The following OSBPL3 variants were observed in gnomAD, a reference collection of about 807,000 sequenced individuals.
The protein encoded by OSBPL3 is oxysterol binding protein like 3.
Under a neutral mutation model 120.1 loss-of-function variants are expected in OSBPL3, and 65 were observed. That is an observed-to-expected ratio of 0.54 (90% CI 0.44 to 0.67). The LOEUF is 0.67. OSBPL3 is among the 30% of genes least tolerant of loss of function. The pLI, the probability that OSBPL3 is intolerant of heterozygous loss-of-function variation, is 0.00. For synonymous variants in OSBPL3, 416 were observed against 402.6 expected (o/e 1.03, Z -0.40); for missense variants, 1,004 against 1,082.1 (o/e 0.93, Z 1.01).
intron 2 of OSBPL3, among the ~76,000 whole-genome samples, chr7:24,874,863 C>T (rs1339467380): frequency 1.3e-5 from 2 of 152,178 alleles, no homozygotes; most frequent in African/African-American, 4.8e-5. Flanking sequence ...CCTGCCTCAT[C>T]GCCAACTTCC....
At chr7:24,950,212 A>C (rs1377766624) in intron 1 of OSBPL3, among the ~76,000 whole-genome samples, 1 of 152,188 alleles carries the variant, frequency 6.6e-6, no homozygotes, top group Non-Finnish European at 1.5e-5. Context: ...CCAGGAACAA[A>C]TATCCATCCA....
intron 12 of OSBPL3, among the ~76,000 whole-genome samples, chr7:24,843,929 C>T (rs1334055934): frequency 1.3e-5 from 2 of 152,190 alleles, no homozygotes; most frequent in African/African-American, 2.4e-5. Context: ...ACAAAAGATG[C>T]TCATCATTTA....
chr7:24,974,667 A>G (rs1188887592), intron 1 of OSBPL3, among the ~76,000 whole-genome samples: 4 of 152,238 alleles, frequency 2.6e-5, no homozygotes, highest in Non-Finnish European at 4.4e-5. Context: ...TAGGCAATAA[A>G]AAGGAATGAA....
rs1031811445 is a variant in OSBPL3, at chr7:24,801,070, G to A, written c.2568-791C>T. Among the ~76,000 whole-genome samples the A allele has an allele frequency of 6.6e-5, 10 of 151,102 alleles. No homozygotes were observed. In the South Asian group the frequency reaches 8.4e-4, roughly 13 times the overall value. Reference sequence around the variant, plus strand: ...AGCTTGGCCAACATGGCAAAACTCCGTGCCTACTAAATATACAAAAATTAG... The same window carrying A: ...AGCTTGGCCAACATGGCAAAACTCCATGCCTACTAAATATACAAAAATTAG... On this transcript the variant is annotated intron_variant, in intron 22 of 22. Transcript: ENST00000313367.
chr7:24,897,616 C>T (rs904220642), intron 1 of OSBPL3, among the ~76,000 whole-genome samples: 4 of 152,246 alleles, frequency 2.6e-5, no homozygotes, highest in South Asian at 2.1e-4. Flanking sequence ...TGAGCCACCG[C>T]GCCCGGCCAG....
chr7:24,871,590 C>A lies in OSBPL3; in HGVS notation c.267+152G>T. 1.6e-6 allele frequency: 1 copy of A among 639,970 alleles called. No individual in the cohort carries two copies. The highest frequency in any genetic ancestry group is 3.0e-5 in the Admixed American group (1 of 33,806). The allele number at this position is 639,970 out of a possible 1,614,324, so 39.6% of individuals were successfully genotyped here. ...TGACCTGGTGGAAGAACTGAGCCTG[C>A]CTGGAACCCAGAGCTCAGACAGAAG... On this transcript the variant is annotated intron_variant, in intron 4 of 22. Transcript: ENST00000313367. The surrounding 1 kb of genome is among the most constrained non-coding windows in gnomAD (Gnocchi z 4.8).
chr7:24,842,151 C>T, intron 13 of OSBPL3, 128 bp downstream of exon 13: 1 of 943,982 alleles, frequency 1.1e-6, no homozygotes, highest in Non-Finnish European at 1.6e-6. Context: ...GGAGAACTCT[C>T]AGAACATAAT....
At chr7:24,911,277 G>T (rs116997068) in intron 1 of OSBPL3, among the ~76,000 whole-genome samples, 1,568 of 152,280 alleles carry the variant, frequency 0.01, 7 homozygotes, top group Non-Finnish European at 0.017. Flanking sequence ...TTATCAGTGG[G>T]TGTTATTACG....
rs1310353816 is a variant in OSBPL3 at position 24,965,041 on chromosome 7, T to C, written c.-150+14845A>G. 6.6e-6 allele frequency among the ~76,000 whole-genome samples: 1 copy of C among 152,224 alleles called. No individual in the cohort carries two copies. Among genetic ancestry groups the C allele is most frequent in the Non-Finnish European group, 1.5e-5 (1 of 68,042 alleles). ...TTTGTAATTGAGACTACTGGGCCAC[T>C]AAAGTGCATGAGTTCAGAAGTAGTT... is the stretch of plus-strand genomic sequence containing the variant. On this transcript the variant is annotated intron_variant, in intron 1 of 22. Coordinates refer to ENST00000313367, the MANE Select transcript of OSBPL3 (RefSeq NM_015550.4). The surrounding 1 kb of genome is among the most constrained non-coding windows in gnomAD (Gnocchi z 4.3).
chr7:24,846,888 C>T (rs1034783817), intron 12 of OSBPL3, among the ~76,000 whole-genome samples: 1 of 152,060 alleles, frequency 6.6e-6, no homozygotes, highest in South Asian at 2.1e-4. Flanking sequence ...CATGGTGAAA[C>T]CCTGTCTCTA....
At chr7:24,847,970 TA>T in intron 12 of OSBPL3, among the ~76,000 whole-genome samples, 1 of 152,312 alleles carries the variant, frequency 6.6e-6, no homozygotes, top group East Asian at 1.9e-4. Context: ...ATGTCATACT[TA>T]ACCACTAGCA....
At chr7:24,958,490 C>T (rs992688282) in intron 1 of OSBPL3, among the ~76,000 whole-genome samples, 2 of 152,158 alleles carry the variant, frequency 1.3e-5, no homozygotes, top group African/African-American at 4.8e-5. Flanking sequence ...CCATTACTTC[C>T]AACTTCACTT....
At chr7:24,917,450 CACACATATATATATATAT>C (rs1809826598) in intron 1 of OSBPL3, among the ~76,000 whole-genome samples, 1 of 106,892 alleles carries the variant, frequency 9.4e-6, no homozygotes, top group African/African-American at 4.0e-5. Context: ...TATATATACA[CACACATATATATATATAT>C]ACACACACAC....
intron 1 of OSBPL3, among the ~76,000 whole-genome samples, chr7:24,935,483 A>G (rs894797954): frequency 4.6e-5 from 7 of 152,160 alleles, no homozygotes; most frequent in Non-Finnish European, 1.0e-4. Context: ...AAGATACAGA[A>G]TTGTCCATCA....
chr7:24,834,030 T>C lies in OSBPL3; in HGVS notation c.1746+456A>G, dbSNP rs1291127109. 3 of 875,638 alleles carry C rather than the reference T, an allele frequency of 3.4e-6. No homozygotes were observed. The highest frequency in any genetic ancestry group is 2.7e-6 in the Non-Finnish European group (2 of 729,534). The allele number at this position is 875,638 out of a possible 1,614,324, so 54.2% of individuals were successfully genotyped here. A position where few individuals can be genotyped will look rare whatever the true frequency, so the allele number is the denominator to read the frequency against. Reference sequence around the variant, plus strand: ...TTGTGAACTTTATTTTCCAAAAACCTAGGAGCTGATGGGACAATTCCAGAA... The same window carrying C: ...TTGTGAACTTTATTTTCCAAAAACCCAGGAGCTGATGGGACAATTCCAGAA... On this transcript the variant is annotated intron_variant, in intron 15 of 22. Transcript: ENST00000313367. The surrounding 1 kb of genome is among the most constrained non-coding windows in gnomAD (Gnocchi z 5.2).
At chr7:24,801,493 TATTCCCTCTC>T (rs1181194456) in intron 22 of OSBPL3, among the ~76,000 whole-genome samples, 9 of 152,208 alleles carry the variant, frequency 5.9e-5, no homozygotes, top group African/African-American at 2.2e-4. Context: ...ACACACACTC[TATTCCCTCTC>T]ATTCTGACAT....
In OSBPL3 at chr7:24,834,511, T is replaced by C. The variant is rs764866675; in HGVS notation, c.1721A>G (p.Gln574Arg). 3 of 1,612,550 alleles carry C rather than the reference T, an allele frequency of 1.9e-6. No homozygotes were observed. The highest frequency in any genetic ancestry group is 3.3e-5 in the Admixed American group (2 of 59,884). The part of the protein sequence containing the change: ...EYSELLDKAA[Q>R]IPSPLERMVY... ...CATCCTTTCCAGGGGGCTGGGAATCTGCGCGGCCTTGTCCAGGAGCTCGCT... is the reference window on the plus strand; with the variant it reads ...CATCCTTTCCAGGGGGCTGGGAATCCGCGCGGCCTTGTCCAGGAGCTCGCT... The change falls in exon 15 of 23, where the codon CAG becomes CGG. Residue 574 changes from glutamine (Q) to arginine (R), a missense_variant. By Grantham distance (43) the Gln-to-Arg change is conservative. Around this residue, in one of 4 missense-constraint regions of OSBPL3, gnomAD observed 473 missense variants for 568.0 expected, o/e 0.83. Coordinates refer to ENST00000313367, the MANE Select transcript of OSBPL3 (RefSeq NM_015550.4). This position sits in a 1 kb window ranked among gnomAD's most constrained non-coding sequence, Gnocchi z 5.2.
rs1459756017 is a variant in OSBPL3 at position 24,967,504 on chromosome 7, C to T, written c.-150+12382G>A. ...TTTGACATTACCCTCCCCAACTCAA[C>T]GGTTATCATGGAAAAAGTACCCACC... On this transcript the variant is annotated intron_variant, in intron 1 of 22. Coordinates refer to ENST00000313367, the MANE Select transcript of OSBPL3 (RefSeq NM_015550.4). The surrounding 1 kb of genome is among the most constrained non-coding windows in gnomAD (Gnocchi z 5.6). Among the ~76,000 whole-genome samples, 3 of 152,156 alleles carry T rather than the reference C, an allele frequency of 2.0e-5. No homozygotes were observed. The highest frequency in any genetic ancestry group is 4.8e-5 in the African/African-American group (2 of 41,444).
At chr7:24,828,743 T>C (rs1796028724) in intron 16 of OSBPL3, among the ~76,000 whole-genome samples, 1 of 151,274 alleles carries the variant, frequency 6.6e-6, no homozygotes, top group Non-Finnish European at 1.5e-5. Context: ...TAGTCAAACA[T>C]TATCATTCCT....
Sources: gnomAD v4.1 joint callset for allele counts (sites outside exome capture counted in the v4.1 genomes callset) on GRCh38, gnomAD v4.1.1 for gene constraint, gnomAD v4.1.1 regional missense constraint, Gnocchi (gnomAD v3.1) non-coding constraint, MANE v1.5 for transcripts, NCBI Gene and HGNC (gene_info 2026-07-23, HGNC 2026-07-21) for gene names.